SGMS2: variants seen among roughly 807,000 people sequenced by gnomAD.
The protein encoded by SGMS2 is sphingomyelin synthase 2, also known as phosphatidylcholine:ceramide cholinephosphotransferase 2.
SGMS2 carries 21 observed loss-of-function variants against 43.8 expected under a neutral mutation model. That is an observed-to-expected ratio of 0.48 (90% CI 0.34 to 0.69). The LOEUF (loss-of-function observed/expected upper bound fraction) is 0.69, where lower values mean the gene tolerates loss of function less well. Ranked by LOEUF, SGMS2 falls within the 30% of genes least tolerant of loss-of-function variation. SGMS2 has a pLI of 0.01. For missense variants in SGMS2, 384 were observed against 443.2 expected (o/e 0.87, Z 1.20); for synonymous variants, 167 against 160.6 (o/e 1.04, Z -0.30).
rs774442653 is a variant in SGMS2 at position 107,877,913 on chromosome 4, C to CTTTTTT, written c.-244-17382_-244-17377dup. Among the ~76,000 whole-genome samples, 484 of 102,096 alleles carry CTTTTTT rather than the reference C, an allele frequency of 4.7e-3. 1 individual carries two copies. Among genetic ancestry groups the CTTTTTT allele is most frequent in the African/African-American group, 6.5e-3 (166 of 25,566 alleles). The allele number at this position is 102,096 out of a possible 152,430, so 67.0% of individuals were successfully genotyped here. A position where few individuals can be genotyped will look rare whatever the true frequency, so the allele number is the denominator to read the frequency against. ...CTCTTTCTTTCTTTCTTTTTCTTTT[C>CTTTTTT]TTTTTTTTTTTTTTTTTTTTGAGAT... is the stretch of plus-strand genomic sequence containing the variant. On this transcript the variant is annotated intron_variant, in intron 2 of 6. Coordinates refer to ENST00000690982, the MANE Select transcript of SGMS2 (RefSeq NM_001375905.1).
chr4:107,911,270 C>T lies in SGMS2; in HGVS notation c.*717C>T, dbSNP rs1732100374. The stretch of plus-strand genomic sequence containing the variant: ...GTGTGTAAATGTTTCACTTTAAAAT[C>T]TCTATGACAGATACACAGGAAACAT... On this transcript the variant is annotated 3_prime_UTR_variant, in exon 7 of 7. Coordinates refer to ENST00000690982, the MANE Select transcript of SGMS2 (RefSeq NM_001375905.1). 6.6e-6 allele frequency: 1 copy of T among 152,200 alleles called. No individual in the cohort carries two copies. The highest frequency in any genetic ancestry group is 6.5e-5 in the Admixed American group (1 of 15,280). The allele number at this position is 152,200 out of a possible 1,614,324, so 9.4% of individuals were successfully genotyped here.
At chr4:107,902,393 T>C (rs569868474) in intron 4 of SGMS2, among the ~76,000 whole-genome samples, 139 of 152,290 alleles carry the variant, frequency 9.1e-4, no homozygotes, top group Middle Eastern at 3.4e-3. Context: ...TTTATACTTA[T>C]CTGATCTGAA....
intron 1 of SGMS2, among the ~76,000 whole-genome samples, chr4:107,833,521 A>G (rs943230805): frequency 6.6e-6 from 1 of 152,246 alleles, no homozygotes; most frequent in African/African-American, 2.4e-5. Flanking sequence ...CTAACGTCAC[A>G]TGATGGGTCG....
intron 1 of SGMS2, among the ~76,000 whole-genome samples, chr4:107,844,131 G>T (rs1726675748): frequency 6.6e-6 from 1 of 151,542 alleles, no homozygotes; most frequent in South Asian, 2.1e-4. Flanking sequence ...GACTAGCCTG[G>T]CCAACATAGT....
intron 1 of SGMS2, among the ~76,000 whole-genome samples, chr4:107,846,320 T>A (rs1460114244): frequency 4.3e-5 from 6 of 138,812 alleles, no homozygotes; most frequent in South Asian, 2.4e-4. Context: ...TGTCCATGTG[T>A]TCTCATTGTT....
At position 107,914,644 on chromosome 4, in the gene SGMS2, G is replaced by A. The variant is rs2126177533; in HGVS notation, c.*4091G>A. ...ATTATGATATCTACTGTATGCTATT[G>A]TGATAGTTTTATGAAATGCTTACAT... is the stretch of plus-strand genomic sequence containing the variant. On this transcript the variant is annotated 3_prime_UTR_variant, in exon 7 of 7. Transcript: ENST00000690982. 6.6e-6 allele frequency: 1 copy of A among 152,154 alleles called. No homozygotes were observed. The highest frequency in any genetic ancestry group is 2.4e-5 in the African/African-American group (1 of 41,546). 9.4% of individuals were successfully genotyped at this position (152,154 alleles called of 1,614,324 possible).
At chr4:107,859,756 G>A (rs769632653) in intron 2 of SGMS2, among the ~76,000 whole-genome samples, 1 of 152,102 alleles carries the variant, frequency 6.6e-6, no homozygotes, top group Non-Finnish European at 1.5e-5. Flanking sequence ...GACTTGCCTC[G>A]CTCTCAGGTA....
At chr4:107,876,545 C>G (rs541533218) in intron 2 of SGMS2, among the ~76,000 whole-genome samples, 1 of 152,234 alleles carries the variant, frequency 6.6e-6, no homozygotes, top group African/African-American at 2.4e-5. Flanking sequence ...CCGTTTCAGT[C>G]GCCTGTTTTT....
chr4:107,902,289 C>CAAAAAAAAAGAAAAAAAAAAAAAAAAAA (rs1731185442), intron 4 of SGMS2, among the ~76,000 whole-genome samples: 1 of 124,576 alleles, frequency 8.0e-6, no homozygotes, highest in African/African-American at 3.5e-5. Flanking sequence ...GACCCTGTCT[C>CAAAAAAAAAGAAAAAAAAAAAAAAAAAA]AAAAAAAAAA....
At chr4:107,834,119 C>T (rs1390567543) in intron 1 of SGMS2, among the ~76,000 whole-genome samples, 1 of 152,206 alleles carries the variant, frequency 6.6e-6, no homozygotes, top group East Asian at 1.9e-4. Flanking sequence ...TGTGGTAGAG[C>T]AGCAGTAGAA....
chr4:107,910,279 A>G (rs1269869343), intron 6 of SGMS2, 71 bp from the exon 7 acceptor site: 3 of 1,330,516 alleles, frequency 2.3e-6, no homozygotes, highest in Non-Finnish European at 3.2e-6. Flanking sequence ...GTGAATGACA[A>G]TTTAAGAAAA....
intron 1 of SGMS2, among the ~76,000 whole-genome samples, chr4:107,826,918 C>T (rs1300023383): frequency 6.6e-6 from 1 of 152,172 alleles, no homozygotes; most frequent in Non-Finnish European, 1.5e-5. Flanking sequence ...AGCTGTCCTA[C>T]GACAGTACCG....
At chr4:107,847,217 G>T (rs906248413) in intron 1 of SGMS2, among the ~76,000 whole-genome samples, 130 of 152,086 alleles carry the variant, frequency 8.5e-4, no homozygotes, top group African/African-American at 3.0e-3. Flanking sequence ...GTAATGCCTA[G>T]GTTTTCTTCT....
rs376980175 is a variant in SGMS2 at position 107,875,360 on chromosome 4, A to G, written c.-245+16807A>G. ...ATGAGATCATGTCCTGTGCAGGGAC[A>G]TGGATGGAGTTGGAGGCCATTATCC... On this transcript the variant is annotated intron_variant, in intron 2 of 6. Coordinates refer to ENST00000690982, the MANE Select transcript of SGMS2 (RefSeq NM_001375905.1). Among the ~76,000 whole-genome samples, 8 of 152,340 alleles carry G rather than the reference A, an allele frequency of 5.3e-5. No individual in the cohort carries two copies. In the South Asian group the frequency reaches 8.3e-4, roughly 16 times the overall value.
At chr4:107,853,680 A>G (rs1426854130) in intron 1 of SGMS2, among the ~76,000 whole-genome samples, 1 of 152,222 alleles carries the variant, frequency 6.6e-6, no homozygotes, top group Non-Finnish European at 1.5e-5. Flanking sequence ...ACAAATATTT[A>G]TAACCCTCAA....
chr4:107,846,481 A>G (rs1474450750), intron 1 of SGMS2, among the ~76,000 whole-genome samples: 1 of 149,628 alleles, frequency 6.7e-6, no homozygotes. Flanking sequence ...CATGGTGTAT[A>G]TGTGCCACAT....
chr4:107,862,294 T>A (rs1727779633), intron 2 of SGMS2, among the ~76,000 whole-genome samples: 1 of 152,182 alleles, frequency 6.6e-6, no homozygotes, highest in Non-Finnish European at 1.5e-5. Context: ...AAGATGAAGG[T>A]TAGTAAGGTG....
Position 107,910,483 on chromosome 4 carries a change from G to C in SGMS2, c.1028G>C (p.Cys343Ser). 1 of 1,614,020 alleles carries C rather than the reference G, an allele frequency of 6.2e-7. No individual in the cohort carries two copies. The highest frequency in any genetic ancestry group is 8.5e-7 in the Non-Finnish European group (1 of 1,179,988). The change falls in exon 7 of 7, where the codon TGC becomes TCC. Residue 343 changes from cysteine (C) to serine (S), a missense_variant. Transcript: ENST00000690982. ...FSWPLSWPPGCFKSSCKKYSR... is the reference protein window; with the variant it reads ...FSWPLSWPPGSFKSSCKKYSR... ...TGGCCGCTGTCTTGGCCTCCTGGCTGCTTCAAATCATCATGCAAAAAGTAT... is the reference window on the plus strand; with the variant it reads ...TGGCCGCTGTCTTGGCCTCCTGGCTCCTTCAAATCATCATGCAAAAAGTAT...
At chr4:107,875,491 A>C (rs751848069) in intron 2 of SGMS2, among the ~76,000 whole-genome samples, 2 of 152,092 alleles carry the variant, frequency 1.3e-5, no homozygotes, top group Non-Finnish European at 2.9e-5. Context: ...AACAAAATAC[A>C]CTGCTGCCCA....
Sources: allele counts gnomAD v4.1 joint callset (sites outside exome capture counted in the v4.1 genomes callset), GRCh38; gene constraint gnomAD v4.1.1; transcripts MANE v1.5; gene names NCBI Gene and HGNC (gene_info 2026-07-23, HGNC 2026-07-21).